MBP: variants seen among roughly 807,000 people sequenced by gnomAD.
MBP encodes myelin basic protein.
MBP carries 16 observed loss-of-function variants against 35.8 expected under a neutral mutation model. That is an observed-to-expected ratio of 0.45 (90% CI 0.30 to 0.68). The LOEUF (loss-of-function observed/expected upper bound fraction) is 0.68, where lower values mean the gene tolerates loss of function less well. Ranked by LOEUF, MBP falls within the 30% of genes least tolerant of loss-of-function variation. The probability of loss-of-function intolerance (pLI) is 0.08; values close to 1 mark genes in which losing one functional copy is unlikely to be tolerated. For synonymous variants in MBP, 143 were observed against 159.6 expected (o/e 0.90, Z 0.78); for missense variants, 380 against 404.7 (o/e 0.94, Z 0.52).
At chr18:77,118,659 CACACTACATACCACACACACACACCA>C (rs1976783351) in intron 1 of MBP, among the ~76,000 whole-genome samples, 1 of 138,866 alleles carries the variant, frequency 7.2e-6, no homozygotes, top group African/African-American at 3.2e-5. Context: ...CACACACACA[CACACTACATACCACACACACACACCA>C]CACACACACT....
chr18:77,105,456 A>G (rs1976238243), intron 1 of MBP, among the ~76,000 whole-genome samples, 170 bp from the exon 2 acceptor site: 2 of 152,342 alleles, frequency 1.3e-5, no homozygotes, highest in East Asian at 1.9e-4. Context: ...TTATTAACAC[A>G]TGCTATCTTT....
At chr18:76,994,275 T>C (rs1052484991) in intron 4 of MBP, among the ~76,000 whole-genome samples, 5 of 152,252 alleles carry the variant, frequency 3.3e-5, no homozygotes, top group Non-Finnish European at 7.3e-5. Flanking sequence ...GGTGTTTGGA[T>C]AGCATTTCTC....
At chr18:77,036,325 G>A (rs1456666979) in intron 3 of MBP, among the ~76,000 whole-genome samples, 5 of 124,872 alleles carry the variant, frequency 4.0e-5, no homozygotes, top group Admixed American at 7.6e-5. Context: ...GCAAGTGCTG[G>A]TCACATTTTG....
intron 2 of MBP, among the ~76,000 whole-genome samples, chr18:77,094,786 CA>C (rs1204400131): frequency 1.3e-5 from 2 of 152,294 alleles, no homozygotes; most frequent in Non-Finnish European, 2.9e-5. Context: ...TCTGTTGTCC[CA>C]GGGGGGAGCC....
rs1481226102 is a variant in MBP, at chr18:77,020,659, C to G, written c.140-3391G>C. Among the ~76,000 whole-genome samples, 3 of 152,218 alleles carry G rather than the reference C, an allele frequency of 2.0e-5. No individual in the cohort carries two copies. The highest frequency in any genetic ancestry group is 7.2e-5 in the African/African-American group (3 of 41,458). ...CCAGGGCTTTACTCGGGGCTGGTCTCATAGGCTGCCTCGCTTGGTGCCACC... is the reference window on the plus strand; with the variant it reads ...CCAGGGCTTTACTCGGGGCTGGTCTGATAGGCTGCCTCGCTTGGTGCCACC... On this transcript the variant is annotated intron_variant, in intron 3 of 8. Coordinates refer to ENST00000355994, the MANE Select transcript of MBP (RefSeq NM_001025101.2). The surrounding 1 kb of genome is among the most constrained non-coding windows in gnomAD (Gnocchi z 4.1).
At chr18:77,019,032 T>TCATC (rs10526394) in intron 3 of MBP, among the ~76,000 whole-genome samples, 1,566 of 138,726 alleles carry the variant, frequency 0.011, 21 homozygotes, top group African/African-American at 0.025. Context: ...ACCTACCTGT[T>TCATC]CATCCATCCA....
intron 1 of MBP, among the ~76,000 whole-genome samples, chr18:77,116,676 C>A (rs535286479): frequency 6.6e-6 from 1 of 152,236 alleles, no homozygotes; most frequent in East Asian, 1.9e-4. Context: ...CTGGCCAACA[C>A]GGCGAAACCC....
At chr18:77,033,337 T>G (rs969625683) in intron 3 of MBP, among the ~76,000 whole-genome samples, 3 of 152,140 alleles carry the variant, frequency 2.0e-5, no homozygotes, top group Non-Finnish European at 4.4e-5. Context: ...TTTAATCTCT[T>G]TAAGGCTTGG....
chr18:76,999,889 C>T (rs142466005), intron 4 of MBP, among the ~76,000 whole-genome samples: 408 of 152,232 alleles, frequency 2.7e-3, no homozygotes, highest in African/African-American at 9.6e-3. Context: ...CTGGGCCATC[C>T]CCAACCTGTT....
At chr18:76,985,030 G>T in intron 7 of MBP, 136 bp from the exon 8 acceptor site, 1 of 1,500,226 alleles carries the variant, frequency 6.7e-7, no homozygotes, top group Non-Finnish European at 9.0e-7. Flanking sequence ...CAGGAGCCAC[G>T]GGCCAGCACC....
chr18:77,091,811 C>A (rs1486023299), intron 2 of MBP, among the ~76,000 whole-genome samples: 1 of 152,062 alleles, frequency 6.6e-6, no homozygotes, highest in Non-Finnish European at 1.5e-5. Flanking sequence ...ATACACACCA[C>A]AGACACACAC....
intron 3 of MBP, among the ~76,000 whole-genome samples, chr18:77,022,716 C>G (rs998228123): frequency 4.7e-4 from 72 of 152,150 alleles, no homozygotes; most frequent in African/African-American, 1.7e-3. Flanking sequence ...CATCTGAATA[C>G]TAATATTTTT....
In MBP at chr18:76,980,207, A is replaced by G. The variant is rs1969101006; in HGVS notation, c.*220T>C. The G allele has an allele frequency of 1.6e-6, 1 of 644,314 alleles. No individual in the cohort carries two copies. The highest frequency in any genetic ancestry group is 2.8e-6 in the Non-Finnish European group (1 of 359,148). The allele number at this position is 644,314 out of a possible 1,614,324, so 39.9% of individuals were successfully genotyped here. ...GAAGGAACGTGATCTTCACACAGAAAGGGACAGTTTTAACCGTTTTCTGTT... is the reference window on the plus strand; with the variant it reads ...GAAGGAACGTGATCTTCACACAGAAGGGGACAGTTTTAACCGTTTTCTGTT... On this transcript the variant is annotated 3_prime_UTR_variant, in exon 9 of 9. Transcript: ENST00000355994.
chr18:77,023,265 G>A (rs900944940), intron 3 of MBP, among the ~76,000 whole-genome samples: 5 of 152,162 alleles, frequency 3.3e-5, no homozygotes, highest in South Asian at 4.1e-4. Context: ...AAACTCAGGC[G>A]TCATGACCTG....
chr18:76,992,252 C>A (rs887613137), intron 4 of MBP, among the ~76,000 whole-genome samples: 1 of 152,170 alleles, frequency 6.6e-6, no homozygotes, highest in African/African-American at 2.4e-5. Context: ...AACTGTTCCA[C>A]CTCAGATCAT....
At chr18:77,107,198 C>T (rs1451738020) in intron 1 of MBP, among the ~76,000 whole-genome samples, 4 of 152,186 alleles carry the variant, frequency 2.6e-5, no homozygotes, top group African/African-American at 4.8e-5. Flanking sequence ...CTGGTCTATT[C>T]AAAGCTAAAC....
Position 77,082,344 on chromosome 18 carries a change from G to A in MBP, c.52-15959C>T, listed in dbSNP as rs534016678. Among the ~76,000 whole-genome samples, 38 of 152,238 alleles carry A rather than the reference G, an allele frequency of 2.5e-4. No individual in the cohort carries two copies. In the South Asian group the frequency reaches 6.8e-3, roughly 27 times the overall value. On this transcript the variant is annotated intron_variant, in intron 2 of 8. Coordinates refer to ENST00000355994, the MANE Select transcript of MBP (RefSeq NM_001025101.2). ...TTACACTACGTGAAAGAAGCCACTC[G>A]CAAAAACCCGCCTTTTCATGTAAGA...
chr18:77,103,829 A>G (rs1224100965), intron 2 of MBP, among the ~76,000 whole-genome samples: 1 of 152,164 alleles, frequency 6.6e-6, no homozygotes, highest in Non-Finnish European at 1.5e-5. Flanking sequence ...AGGGTCCAGA[A>G]CCCCGATTCA....
At chr18:77,057,844 T>TTTTTTTTTTTG (rs71172399) in intron 3 of MBP, among the ~76,000 whole-genome samples, 2 of 10,104 alleles carry the variant, frequency 2.0e-4, no homozygotes, top group Non-Finnish European at 2.9e-4. Context: ...TTTTTTTTTT[T>TTTTTTTTTTTG]GAGACGGAGT....
Sources: gnomAD v4.1 joint callset for allele counts (sites outside exome capture counted in the v4.1 genomes callset) on GRCh38, gnomAD v4.1.1 for gene constraint, Gnocchi (gnomAD v3.1) non-coding constraint, MANE v1.5 for transcripts, NCBI Gene and HGNC (gene_info 2026-07-23, HGNC 2026-07-21) for gene names.